DPP6: variants seen among roughly 807,000 people sequenced by gnomAD.
DPP6 encodes A-type potassium channel modulatory protein DPP6.
DPP6 carries 69 observed loss-of-function variants against 122.6 expected under a neutral mutation model. The ratio of observed to expected loss-of-function variants is 0.56; its 90% CI spans 0.46 to 0.69. The LOEUF (loss-of-function observed/expected upper bound fraction) is 0.69. Among genes scored for constraint, DPP6 ranks in the 30% least tolerant of loss-of-function variants. DPP6 has a pLI of 0.00. For synonymous variants in DPP6, 418 were observed against 433.1 expected (o/e 0.97, Z 0.43); for missense variants, 928 against 1,116.9 (o/e 0.83, Z 2.41).
At chr7:154,035,326 C>T (rs1392679648) in intron 1 of DPP6, among the ~76,000 whole-genome samples, 2 of 152,192 alleles carry the variant, frequency 1.3e-5, no homozygotes, top group East Asian at 1.9e-4. Flanking sequence ...ATAAGTTACA[C>T]TATAATTCAT....
In DPP6 at chr7:154,359,860, A is replaced by T. The variant is rs1811581479; in HGVS notation, c.244-86354A>T. Among the ~76,000 whole-genome samples, 6 of 152,218 alleles carry T rather than the reference A, an allele frequency of 3.9e-5. No homozygotes were observed. The South Asian group carries it at 1.2e-3, about 32-fold the overall frequency. ...AGAGAAACGTTTTGACTAATCAAGG[A>T]AGCCTTTCTGGGAAGTATAAATGTC... On this transcript the variant is annotated intron_variant, in intron 1 of 25. Coordinates refer to ENST00000377770, the MANE Select transcript of DPP6 (RefSeq NM_130797.4).
chr7:153,998,146 G>C (rs1195441143), intron 1 of DPP6, among the ~76,000 whole-genome samples: 1 of 151,858 alleles, frequency 6.6e-6, no homozygotes, highest in Admixed American at 6.6e-5. Context: ...AGAGGTTACA[G>C]TCCAAGTTCA....
At chr7:154,281,454 A>G (rs1804507244) in intron 1 of DPP6, among the ~76,000 whole-genome samples, 1 of 152,148 alleles carries the variant, frequency 6.6e-6, no homozygotes. Flanking sequence ...GATAAGTCCC[A>G]CGCCTCTGTT....
At chr7:154,679,977 A>G (rs916298987) in intron 7 of DPP6, among the ~76,000 whole-genome samples, 3 of 152,190 alleles carry the variant, frequency 2.0e-5, no homozygotes, top group African/African-American at 4.8e-5. Context: ...CAAGTAAATA[A>G]GCTGAGTTTT....
At position 154,381,524 on chromosome 7, in the gene DPP6, C is replaced by CA. The variant is rs565654471; in HGVS notation, c.244-64686dup. ...GTGTATACACATCTATAATGTATGACAAAAGTTTCATCAGACCATCCGTAC... is the reference window on the plus strand; with the variant it reads ...GTGTATACACATCTATAATGTATGACAAAAAGTTTCATCAGACCATCCGTAC... On this transcript the variant is annotated intron_variant, in intron 1 of 25. Coordinates refer to ENST00000377770, the MANE Select transcript of DPP6 (RefSeq NM_130797.4). Among the ~76,000 whole-genome samples, 204 of 152,150 alleles carry CA rather than the reference C, an allele frequency of 1.3e-3. 3 individuals are homozygous for CA. Among genetic ancestry groups the CA allele is most frequent in the Admixed American group, 0.012 (177 of 15,288 alleles).
At chr7:153,853,623 G>A in the DPP6 span, among the ~76,000 whole-genome samples, 2 of 152,126 alleles carry the variant, frequency 1.3e-5, no homozygotes, top group Non-Finnish European at 2.9e-5. Context: ...TTGGAAGTAC[G>A]CCGTGAGACA....
intron 1 of DPP6, among the ~76,000 whole-genome samples, chr7:154,264,137 A>G (rs189913816): frequency 3.5e-4 from 54 of 152,328 alleles, no homozygotes; most frequent in South Asian, 1.2e-3. Flanking sequence ...TGTGCTGCAA[A>G]GTGGCCTTTT....
At chr7:154,027,343 T>G (rs1195215237) in intron 1 of DPP6, among the ~76,000 whole-genome samples, 3 of 152,204 alleles carry the variant, frequency 2.0e-5, no homozygotes, top group African/African-American at 7.2e-5. Flanking sequence ...TCTTCAGAGT[T>G]TGCTTATTAT....
At chr7:154,339,306 G>T (rs369633147) in intron 1 of DPP6, among the ~76,000 whole-genome samples, 57 of 152,352 alleles carry the variant, frequency 3.7e-4, no homozygotes, top group South Asian at 2.5e-3. Flanking sequence ...TGGGGTGGTG[G>T]GACAGGGCTT....
rs1234806852 is a variant in DPP6, at chr7:154,893,148, G to A, written c.*668G>A. On this transcript the variant is annotated 3_prime_UTR_variant, in exon 26 of 26. Coordinates refer to ENST00000377770, the MANE Select transcript of DPP6 (RefSeq NM_130797.4). ...TCATGGGGTTGTTTTGCTGTTTGGG[G>A]TTGGGCCTTGTTTCCCTTTCCTTTC... 2 of 343,902 alleles carry A rather than the reference G, an allele frequency of 5.8e-6. No individual in the cohort carries two copies. The highest frequency in any genetic ancestry group is 1.1e-5 in the Non-Finnish European group (2 of 174,724). The allele number at this position is 343,902 out of a possible 1,614,324, so 21.3% of individuals were successfully genotyped here.
intron 1 of DPP6, among the ~76,000 whole-genome samples, chr7:154,287,795 G>A (rs921579652): frequency 2.6e-5 from 4 of 152,178 alleles, no homozygotes; most frequent in Non-Finnish European, 5.9e-5. Context: ...AAAATCCAGG[G>A]AGGAGAGGTG....
chr7:154,775,980 C>T lies in DPP6; in HGVS notation c.1136+3038C>T, dbSNP rs545032925. On this transcript the variant is annotated intron_variant, in intron 10 of 25. Transcript: ENST00000377770. ...ACCCTCCTTGGCAGGTGCCTGGCAT[C>T]AGCCTGCAACCCCCCGCCGTTCCCC... Among the ~76,000 whole-genome samples the T allele has an allele frequency of 7.2e-5, 11 of 152,210 alleles. No homozygotes were observed. In the South Asian group the frequency reaches 2.3e-3, roughly 32 times the overall value.
rs1804833130 is a variant in DPP6 at position 154,876,156 on chromosome 7, G to A, written c.2078+56G>A. 2.0e-6 allele frequency: 3 copies of A among 1,489,504 alleles called. No individual in the cohort carries two copies. The Admixed American group carries it at 6.9e-5, about 34-fold the overall frequency. The allele number at this position is 1,489,504 out of a possible 1,614,324, so 92.3% of individuals were successfully genotyped here. Reference sequence around the variant, plus strand: ...CGGGAGGGGACGGGGCTCCTCATGGGGGCAGCACCGCAGTCACAGTGCGGG... The same window carrying A: ...CGGGAGGGGACGGGGCTCCTCATGGAGGCAGCACCGCAGTCACAGTGCGGG... On this transcript the variant is annotated intron_variant, in intron 20 of 25. Coordinates refer to ENST00000377770, the MANE Select transcript of DPP6 (RefSeq NM_130797.4).
chr7:154,773,620 A>T (rs1475801084), intron 10 of DPP6, among the ~76,000 whole-genome samples: 1 of 152,152 alleles, frequency 6.6e-6, no homozygotes, highest in Non-Finnish European at 1.5e-5. Context: ...ACTCAAAAAG[A>T]GGAGGGGATT....
At chr7:153,938,574 G>T (rs1283656362) in intron 1 of DPP6, among the ~76,000 whole-genome samples, 1 of 152,194 alleles carries the variant, frequency 6.6e-6, no homozygotes. Context: ...AGTCAAGATT[G>T]CTAATGCGTT....
At chr7:154,337,824 C>G (rs1585984861) in intron 1 of DPP6, among the ~76,000 whole-genome samples, 1 of 152,216 alleles carries the variant, frequency 6.6e-6, no homozygotes, top group African/African-American at 2.4e-5. Flanking sequence ...AGCACCAGCT[C>G]TAAGGTAGTT....
the DPP6 span, among the ~76,000 whole-genome samples, chr7:153,878,714 A>T: frequency 6.6e-6 from 1 of 152,122 alleles, no homozygotes; most frequent in Non-Finnish European, 1.5e-5. Flanking sequence ...ATGCACTTTG[A>T]GATAAGTTAT....
chr7:154,708,586 T>C (rs1840965132), intron 7 of DPP6, among the ~76,000 whole-genome samples: 1 of 152,222 alleles, frequency 6.6e-6, no homozygotes. Context: ...TTGTCGGAAT[T>C]TATCCCAGGG....
chr7:154,136,153 G>C lies in DPP6; in HGVS notation c.243+83090G>C, dbSNP rs547196279. Among the ~76,000 whole-genome samples the C allele has an allele frequency of 2.5e-4, 38 of 151,814 alleles. No homozygotes were observed. In the East Asian group the frequency reaches 7.0e-3, roughly 28 times the overall value. ...ATAGATTTCTTCCTAAATACCACTG[G>C]CCTCCCTGTGCAGTGCTTTCACTGG... On this transcript the variant is annotated intron_variant, in intron 1 of 25. Transcript: ENST00000377770.
Sources: gnomAD v4.1 joint callset for allele counts (sites outside exome capture counted in the v4.1 genomes callset) on GRCh38, gnomAD v4.1.1 for gene constraint, MANE v1.5 for transcripts, NCBI Gene and HGNC (gene_info 2026-07-23, HGNC 2026-07-21) for gene names.